TTC27: variants seen among roughly 807,000 people sequenced by gnomAD.
TTC27 encodes tetratricopeptide repeat domain 27.
TTC27 carries 79 observed loss-of-function variants against 115.9 expected under a neutral mutation model. The observed-to-expected ratio is 0.68, with a 90% CI of 0.57 to 0.82. TTC27 has a LOEUF of 0.82. TTC27 is among the 40% of genes least tolerant of loss of function. TTC27 has a pLI of 0.00. For synonymous variants in TTC27, 401 were observed against 356.0 expected, an observed-to-expected ratio of 1.13 and a Z score of -1.42; for missense variants, 1,054 against 993.1, an observed-to-expected ratio of 1.06 and a Z score of -0.82.
chr2:32,631,204 G>A (rs1664191573), intron 2 of TTC27, among the ~76,000 whole-genome samples: 1 of 152,144 alleles, frequency 6.6e-6, no homozygotes, highest in Admixed American at 6.5e-5. Flanking sequence ...TAGGGAGGCT[G>A]AGGCCGAAGA....
At chr2:32,733,698 C>G (rs1371133419) in intron 10 of TTC27, 130 bp from the exon 11 acceptor site, 7 of 508,992 alleles carry the variant, frequency 1.4e-5, no homozygotes, top group Non-Finnish European at 2.0e-5. Context: ...ATTCACACAT[C>G]CTATCACCTT....
At chr2:32,767,331 C>T (rs1669663347) in intron 13 of TTC27, among the ~76,000 whole-genome samples, 1 of 150,416 alleles carries the variant, frequency 6.6e-6, no homozygotes, top group South Asian at 2.1e-4. Context: ...TGAAACATTA[C>T]AAAAATCATA....
chr2:32,803,116 C>T (rs1177270651), intron 16 of TTC27, among the ~76,000 whole-genome samples: 3 of 152,214 alleles, frequency 2.0e-5, no homozygotes, highest in Non-Finnish European at 2.9e-5. Flanking sequence ...ATACACTTTG[C>T]CACTGCCACC....
rs6736623 is a variant in TTC27, at chr2:32,641,835, T to C, written c.537+1425T>C. On this transcript the variant is annotated intron_variant, in intron 4 of 19. Coordinates refer to ENST00000317907, the MANE Select transcript of TTC27 (RefSeq NM_017735.5). ...CTGGGATTACAGGCATGCGTCACCA[T>C]GTCTGGCTAATTTTGTATTTTTATT... 6.8e-3 allele frequency among the ~76,000 whole-genome samples: 1,026 copies of C among 151,942 alleles called. 19 individuals carry two copies. Among genetic ancestry groups the C allele is most frequent in the African/African-American group, 0.024 (976 of 41,444 alleles).
At chr2:32,633,093 A>G (rs1397664496) in intron 2 of TTC27, among the ~76,000 whole-genome samples, 1 of 152,200 alleles carries the variant, frequency 6.6e-6, no homozygotes, top group Non-Finnish European at 1.5e-5. Context: ...CAACAACTTT[A>G]TATCATCACT....
intron 12 of TTC27, among the ~76,000 whole-genome samples, chr2:32,751,216 G>A (rs537239086): frequency 6.7e-6 from 1 of 149,634 alleles, no homozygotes; most frequent in African/African-American, 2.5e-5. Context: ...ACATTTTCCA[G>A]GACCCATTTT....
At chr2:32,792,043 A>G (rs957059982) in intron 16 of TTC27, among the ~76,000 whole-genome samples, 1 of 152,202 alleles carries the variant, frequency 6.6e-6, no homozygotes, top group African/African-American at 2.4e-5. Flanking sequence ...TCTTTCCCCC[A>G]TGAGGCAACT....
intron 16 of TTC27, among the ~76,000 whole-genome samples, chr2:32,807,366 G>A (rs368069121): frequency 1.3e-4 from 20 of 151,926 alleles, no homozygotes; most frequent in South Asian, 4.2e-4. Context: ...ACCCTTTAGC[G>A]TCTCTTCTGC....
Position 32,640,429 on chromosome 2 carries a change from A to G in TTC27, c.537+19A>G. The G allele has an allele frequency of 6.2e-7, 1 of 1,611,310 alleles. No individual in the cohort carries two copies. Among genetic ancestry groups the G allele is most frequent in the Middle Eastern group, 1.7e-4 (1 of 6,054 alleles). ...TATTCAGGTAAGGAAAGGATCCATG[A>G]GATTCATACCCTGGTATGACTTTTG... On this transcript the variant is annotated intron_variant, in intron 4 of 19. Transcript: ENST00000317907.
At chr2:32,657,064 C>G (rs964810267) in intron 5 of TTC27, among the ~76,000 whole-genome samples, 1 of 150,830 alleles carries the variant, frequency 6.6e-6, no homozygotes, top group African/African-American at 2.4e-5. Context: ...CGGCTCACTG[C>G]CAGCCCTGCC....
chr2:32,665,893 AAAAAT>A (rs960154729), intron 6 of TTC27, among the ~76,000 whole-genome samples: 2 of 152,204 alleles, frequency 1.3e-5, no homozygotes, highest in African/African-American at 2.4e-5. Context: ...CCATCTCATA[AAAAAT>A]AAAATAAAAT....
intron 5 of TTC27, among the ~76,000 whole-genome samples, chr2:32,661,400 A>G (rs1559192940): frequency 6.6e-6 from 1 of 152,150 alleles, no homozygotes; most frequent in Non-Finnish European, 1.5e-5. Context: ...CCTATCCATG[A>G]GCATGGAATG....
rs575558907 is a variant in TTC27 at position 32,642,936 on chromosome 2, C to T, written c.537+2526C>T. Among the ~76,000 whole-genome samples the T allele has an allele frequency of 1.1e-4, 17 of 152,030 alleles. No homozygotes were observed. The East Asian group carries it at 2.9e-3, about 26-fold the overall frequency. Reference sequence around the variant, plus strand: ...ACCTGCCTCCATCTCCCCTAAGTGCCGAGATTATAGGCATAAGCCACCATT... The same window carrying T: ...ACCTGCCTCCATCTCCCCTAAGTGCTGAGATTATAGGCATAAGCCACCATT... On this transcript the variant is annotated intron_variant, in intron 4 of 19. Coordinates refer to ENST00000317907, the MANE Select transcript of TTC27 (RefSeq NM_017735.5).
In TTC27 at chr2:32,709,751, G is replaced by A. The variant is rs74379427; in HGVS notation, c.1233+6831G>A. Among the ~76,000 whole-genome samples, 356 of 152,212 alleles carry A rather than the reference G, an allele frequency of 2.3e-3. 1 individual carries two copies. The highest frequency in any genetic ancestry group is 7.5e-3 in the African/African-American group (313 of 41,514). On this transcript the variant is annotated intron_variant, in intron 10 of 19. Coordinates refer to ENST00000317907, the MANE Select transcript of TTC27 (RefSeq NM_017735.5). ...GTGATGCTGAAAAAGCTGATAGTCC[G>A]AGGCAGTCTGTTGTCCCCACTCCCA...
intron 16 of TTC27, among the ~76,000 whole-genome samples, chr2:32,803,922 G>A (rs763866153): frequency 7.9e-5 from 12 of 151,520 alleles, no homozygotes; most frequent in Non-Finnish European, 1.0e-4. Flanking sequence ...CATGAGAATC[G>A]CTTGAACTCT....
chr2:32,684,359 A>C (rs377099341), intron 9 of TTC27, among the ~76,000 whole-genome samples: 1 of 151,924 alleles, frequency 6.6e-6, no homozygotes, highest in Non-Finnish European at 1.5e-5. Context: ...AGTCTTTGCT[A>C]TTGTGAATAA....
At chr2:32,708,116 A>G (rs1559215751) in intron 10 of TTC27, among the ~76,000 whole-genome samples, 1 of 151,974 alleles carries the variant, frequency 6.6e-6, no homozygotes, top group Non-Finnish European at 1.5e-5. Context: ...TCGCTTATAT[A>G]TGGGTTTTCT....
intron 4 of TTC27, among the ~76,000 whole-genome samples, chr2:32,642,634 C>T (rs1288049834): frequency 2.6e-5 from 4 of 151,840 alleles, no homozygotes; most frequent in Admixed American, 1.3e-4. Context: ...GATTTGGAAG[C>T]CATTGTACTA....
In TTC27 at chr2:32,653,409, C is replaced by G. The variant is rs539910454; in HGVS notation, c.640+3176C>G. On this transcript the variant is annotated intron_variant, in intron 5 of 19. Transcript: ENST00000317907. Reference sequence around the variant, plus strand: ...AAGAGTTCAAGACCAGCCTGGCCAACATGGTGAAACCCTGTCTCTACTAAA... The same window carrying G: ...AAGAGTTCAAGACCAGCCTGGCCAAGATGGTGAAACCCTGTCTCTACTAAA... Among the ~76,000 whole-genome samples, 398 of 152,228 alleles carry G rather than the reference C, an allele frequency of 2.6e-3. 3 individuals are homozygous for G. The highest frequency in any genetic ancestry group is 3.4e-3 in the Middle Eastern group (1 of 294).
Sources: allele counts gnomAD v4.1 joint callset (sites outside exome capture counted in the v4.1 genomes callset), GRCh38; gene constraint gnomAD v4.1.1; transcripts MANE v1.5; gene names NCBI Gene and HGNC (gene_info 2026-07-23, HGNC 2026-07-21).